The following PRKCE variants were observed in gnomAD, a reference collection of about 807,000 sequenced individuals.
The protein encoded by PRKCE is protein kinase C epsilon.
In PRKCE, 16 loss-of-function variants were observed where a neutral mutation model predicts 85.4. That is an observed-to-expected ratio of 0.19 (90% CI 0.13 to 0.28). The LOEUF is 0.28. PRKCE is among the 10% of genes least tolerant of loss of function. The pLI is 1.00. For missense variants in PRKCE, 573 were observed against 975.2 expected (o/e 0.59, Z 5.49); for synonymous variants, 388 against 371.5 (o/e 1.04, Z -0.51).
At chr2:46,067,364 C>G (rs774676927) in intron 10 of PRKCE, among the ~76,000 whole-genome samples, 3 of 152,202 alleles carry the variant, frequency 2.0e-5, no homozygotes, top group Non-Finnish European at 4.4e-5. Context: ...GGTTCAGAGT[C>G]ACAATAAACA....
chr2:45,853,682 A>G (rs1692454086), intron 2 of PRKCE, among the ~76,000 whole-genome samples: 1 of 152,236 alleles, frequency 6.6e-6, no homozygotes, highest in African/African-American at 2.4e-5. Flanking sequence ...AATGAAAATA[A>G]CAGGAAAAAC....
At chr2:45,941,048 A>G in intron 2 of PRKCE, among the ~76,000 whole-genome samples, 1 of 142,316 alleles carries the variant, frequency 7.0e-6, no homozygotes. Context: ...CCTGGGTGAC[A>G]GAGTGAGACT....
rs547191094 is a variant in PRKCE at position 45,889,908 on chromosome 2, C to T, written c.412+46845C>T. Among the ~76,000 whole-genome samples, 8 of 152,330 alleles carry T rather than the reference C, an allele frequency of 5.3e-5. No homozygotes were observed. The East Asian group carries it at 7.7e-4, about 15-fold the overall frequency. On this transcript the variant is annotated intron_variant, in intron 2 of 14. Transcript: ENST00000306156. Reference sequence around the variant, plus strand: ...GCAGAGGATAGAGTCACTACCCCTTCGCTCTTCTGTGCTCTTTAGGCTCAA... The same window carrying T: ...GCAGAGGATAGAGTCACTACCCCTTTGCTCTTCTGTGCTCTTTAGGCTCAA...
At chr2:45,769,694 G>A (rs1685167555) in intron 1 of PRKCE, among the ~76,000 whole-genome samples, 1 of 152,216 alleles carries the variant, frequency 6.6e-6, no homozygotes, top group Non-Finnish European at 1.5e-5. Flanking sequence ...TGTCTTTAAT[G>A]TGAAATTTGT....
At chr2:45,817,305 T>G (rs1044978857) in intron 1 of PRKCE, among the ~76,000 whole-genome samples, 5 of 152,162 alleles carry the variant, frequency 3.3e-5, no homozygotes, top group African/African-American at 1.2e-4. Flanking sequence ...TTATCTATAT[T>G]TTTAGAAGTT....
At chr2:45,790,028 G>A (rs1033376649) in intron 1 of PRKCE, among the ~76,000 whole-genome samples, 7 of 152,208 alleles carry the variant, frequency 4.6e-5, no homozygotes, top group Non-Finnish European at 1.0e-4. Flanking sequence ...AATCTCGAGA[G>A]TGGCCCTGAA....
chr2:46,035,483 A>T (rs980324022), intron 10 of PRKCE, among the ~76,000 whole-genome samples: 1 of 152,178 alleles, frequency 6.6e-6, no homozygotes, highest in Non-Finnish European at 1.5e-5. Flanking sequence ...TGCCTGCTCC[A>T]TCCCCACCTC....
At chr2:45,992,468 C>T (rs1558931381) in intron 6 of PRKCE, among the ~76,000 whole-genome samples, 2 of 152,328 alleles carry the variant, frequency 1.3e-5, no homozygotes, top group East Asian at 1.9e-4. Flanking sequence ...TCTGCGTGAA[C>T]GACTTTGCGG....
chr2:46,056,215 C>A (rs1355945278), intron 10 of PRKCE, among the ~76,000 whole-genome samples: 1 of 151,506 alleles, frequency 6.6e-6, no homozygotes, highest in Non-Finnish European at 1.5e-5. Context: ...CTTGATCTTA[C>A]TTCTTCACGG....
chr2:45,891,409 C>A (rs1695712195), intron 2 of PRKCE, among the ~76,000 whole-genome samples: 1 of 152,198 alleles, frequency 6.6e-6, no homozygotes, highest in Non-Finnish European at 1.5e-5. Flanking sequence ...ACAGGAAAGT[C>A]GGCCCAAGTT....
chr2:46,146,170 A>G (rs1038593138), intron 12 of PRKCE, among the ~76,000 whole-genome samples: 1 of 152,236 alleles, frequency 6.6e-6, no homozygotes, highest in African/African-American at 2.4e-5. Flanking sequence ...TTCCTGCCCA[A>G]ACTGAGAGAT....
rs748498281 is a variant in PRKCE, at chr2:46,186,922, T to A, written c.*2041T>A. The A allele has an allele frequency of 1.3e-5, 2 of 152,686 alleles. No homozygotes were observed. Among genetic ancestry groups the A allele is most frequent in the Non-Finnish European group, 2.9e-5 (2 of 68,048 alleles). 9.5% of individuals were successfully genotyped at this position (152,686 alleles called of 1,614,324 possible). On this transcript the variant is annotated 3_prime_UTR_variant, in exon 15 of 15. Transcript: ENST00000306156. ...ATTGCAAATATTAAATATTATGATA[T>A]ATCAATTCATGTGTTTGGCATACCA...
intron 1 of PRKCE, among the ~76,000 whole-genome samples, chr2:45,701,913 C>T (rs569618210): frequency 6.6e-6 from 1 of 152,202 alleles, no homozygotes; most frequent in African/African-American, 2.4e-5. Context: ...CAAAGATGGG[C>T]CAGGCGCGGT....
chr2:45,986,666 G>A (rs1703350154), intron 6 of PRKCE, among the ~76,000 whole-genome samples: 1 of 152,164 alleles, frequency 6.6e-6, no homozygotes, highest in Admixed American at 6.5e-5. Flanking sequence ...GGGTGTGAGA[G>A]GCACGAGGAG....
Position 46,177,801 on chromosome 2 carries a change from C to G in PRKCE, c.2068-6934C>G, listed in dbSNP as rs375459818. Among the ~76,000 whole-genome samples, 68 of 152,314 alleles carry G rather than the reference C, an allele frequency of 4.5e-4. No individual in the cohort carries two copies. In the South Asian group the frequency reaches 0.014, roughly 31 times the overall value. On this transcript the variant is annotated intron_variant, in intron 14 of 14. Transcript: ENST00000306156. ...AACTAAGATAGTGTCAATGTTTTCTCATAGCTACTTAAGAAATTATAAAAC... is the reference window on the plus strand; with the variant it reads ...AACTAAGATAGTGTCAATGTTTTCTGATAGCTACTTAAGAAATTATAAAAC...
chr2:45,808,891 A>G (rs1293278900), intron 1 of PRKCE, among the ~76,000 whole-genome samples: 4 of 152,148 alleles, frequency 2.6e-5, no homozygotes, highest in East Asian at 3.9e-4. Flanking sequence ...TGGGATGGGC[A>G]TGAACAGAGC....
chr2:46,080,430 A>C (rs1302438929), intron 10 of PRKCE, among the ~76,000 whole-genome samples: 1 of 152,248 alleles, frequency 6.6e-6, no homozygotes, highest in African/African-American at 2.4e-5. Context: ...TAAAGTGAGA[A>C]TAGCTCAAGA....
At chr2:45,771,671 A>G (rs1685339818) in intron 1 of PRKCE, among the ~76,000 whole-genome samples, 1 of 151,460 alleles carries the variant, frequency 6.6e-6, no homozygotes, top group African/African-American at 2.4e-5. Context: ...CCTAAGATAC[A>G]GGGGACGTGG....
chr2:45,947,348 G>C (rs531315027), intron 2 of PRKCE, among the ~76,000 whole-genome samples: 1 of 152,060 alleles, frequency 6.6e-6, no homozygotes, highest in African/African-American at 2.4e-5. Context: ...AGGGATGCCT[G>C]GTAAAGGGTG....
Sources: allele counts gnomAD v4.1 joint callset (sites outside exome capture counted in the v4.1 genomes callset), GRCh38; gene constraint gnomAD v4.1.1; transcripts MANE v1.5; gene names NCBI Gene and HGNC (gene_info 2026-07-23, HGNC 2026-07-21).